The following PSMD1 variants were observed in gnomAD, a reference collection of about 807,000 sequenced individuals.
The protein encoded by PSMD1 is 26S proteasome non-ATPase regulatory subunit 1.
PSMD1 carries 18 observed loss-of-function variants against 119.0 expected under a neutral mutation model. That is an observed-to-expected ratio of 0.15 (90% CI 0.10 to 0.22). The LOEUF is 0.22. Ranked by LOEUF, PSMD1 falls within the 10% of genes least tolerant of loss-of-function variation. The probability of loss-of-function intolerance (pLI) is 1.00; values close to 1 mark genes in which losing one functional copy is unlikely to be tolerated. For synonymous variants in PSMD1, 374 were observed against 396.6 expected, an observed-to-expected ratio of 0.94 and a Z score of 0.68; for missense variants, 702 against 1,158.5, an observed-to-expected ratio of 0.61 and a Z score of 5.72.
At chr2:231,116,271 T>C (rs1695328231) in intron 16 of PSMD1, among the ~76,000 whole-genome samples, 1 of 152,102 alleles carries the variant, frequency 6.6e-6, no homozygotes, top group African/African-American at 2.4e-5. Context: ...AGGGTACATC[T>C]TGAGCTGAAG....
In PSMD1 at chr2:231,170,546, G is replaced by T. The variant is rs1482362667; in HGVS notation, c.2716-20G>T. On this transcript the variant is annotated intron_variant, in intron 23 of 24. Coordinates refer to ENST00000308696, the MANE Select transcript of PSMD1 (RefSeq NM_002807.4). The surrounding 1 kb of genome is among the most constrained non-coding windows in gnomAD (Gnocchi z 4.1). ...GCTTGAAATATGAGTGTACGCTTCT[G>T]CACGCCCCTGTGTTTCCAGCTCTCT... The T allele has an allele frequency of 6.2e-7, 1 of 1,600,306 alleles. No homozygotes were observed. Among genetic ancestry groups the T allele is most frequent in the Non-Finnish European group, 8.5e-7 (1 of 1,174,450 alleles).
chr2:231,104,633 A>G (rs1224369782), intron 16 of PSMD1, among the ~76,000 whole-genome samples: 3 of 152,132 alleles, frequency 2.0e-5, no homozygotes, highest in Non-Finnish European at 4.4e-5. Flanking sequence ...TTTTTTAAAG[A>G]TAAGGAAATT....
intron 17 of PSMD1, among the ~76,000 whole-genome samples, chr2:231,141,877 T>A (rs1025935625): frequency 6.6e-6 from 1 of 151,830 alleles, no homozygotes; most frequent in Admixed American, 6.6e-5. Flanking sequence ...TATTTATTTG[T>A]TTGTTTATTT....
intron 17 of PSMD1, among the ~76,000 whole-genome samples, chr2:231,142,484 T>C (rs1020716886): frequency 2.0e-5 from 3 of 152,228 alleles, no homozygotes; most frequent in Non-Finnish European, 4.4e-5. Context: ...CTTAATATGA[T>C]ATCTAGGAGC....
intron 19 of PSMD1, 82 bp from the exon 20 acceptor site, chr2:231,161,258 A>T: frequency 7.6e-7 from 1 of 1,309,046 alleles, no homozygotes; most frequent in Non-Finnish European, 1.0e-6. Context: ...AAAAAGAAAG[A>T]AAGAAAGATA....
chr2:231,089,261 T>G (rs565692868), intron 16 of PSMD1, among the ~76,000 whole-genome samples: 5 of 152,316 alleles, frequency 3.3e-5, no homozygotes, highest in African/African-American at 1.2e-4. Flanking sequence ...AAGATCTAGC[T>G]AAGATCATTG....
At chr2:231,156,394 T>C (rs901181885) in intron 19 of PSMD1, among the ~76,000 whole-genome samples, 1 of 152,124 alleles carries the variant, frequency 6.6e-6, no homozygotes, top group Non-Finnish European at 1.5e-5. Context: ...CTCTTTATGT[T>C]GTACATTTTA....
Position 231,139,040 on chromosome 2 carries a change from C to T in PSMD1, c.1998+190C>T, listed in dbSNP as rs941455929. The T allele has an allele frequency of 4.4e-5, 30 of 674,644 alleles. 1 individual carries two copies. Among genetic ancestry groups the T allele is most frequent in the African/African-American group, 2.3e-4 (13 of 56,364 alleles). The allele number at this position is 674,644 out of a possible 1,614,324, so 41.8% of individuals were successfully genotyped here. The stretch of plus-strand genomic sequence containing the variant: ...TGCCCAAAGCTGCTTAAGAATAAAT[C>T]GTCACATTACATGGATAGCTGTAAC... On this transcript the variant is annotated intron_variant, in intron 17 of 24. Coordinates refer to ENST00000308696, the MANE Select transcript of PSMD1 (RefSeq NM_002807.4).
At chr2:231,134,910 A>G (rs1255891221) in intron 16 of PSMD1, among the ~76,000 whole-genome samples, 1 of 152,208 alleles carries the variant, frequency 6.6e-6, no homozygotes, top group African/African-American at 2.4e-5. Context: ...AGTAGAAAAT[A>G]CTTGCTGTCT....
intron 16 of PSMD1, chr2:231,124,048 A>G (rs778807981): frequency 1.5e-5 from 5 of 344,538 alleles, no homozygotes; most frequent in Non-Finnish European, 2.2e-5. Context: ...AATAGGATAT[A>G]TATATATTTT....
chr2:231,096,580 A>G (rs1316850130), intron 16 of PSMD1, among the ~76,000 whole-genome samples: 1 of 152,252 alleles, frequency 6.6e-6, no homozygotes, highest in African/African-American at 2.4e-5. Context: ...CAACTGTTAC[A>G]TATAAAGTTT....
At chr2:231,100,085 G>C (rs1201439734) in intron 16 of PSMD1, among the ~76,000 whole-genome samples, 1 of 152,162 alleles carries the variant, frequency 6.6e-6, no homozygotes, top group East Asian at 1.9e-4. Context: ...CACCACAAGG[G>C]GGCAGGGCAA....
Position 231,080,237 on chromosome 2 carries a change from C to T in PSMD1, c.1336C>T (p.Leu446=). ...AYQEGGGLYA[L]GLIHANHGGD... is the part of the protein sequence containing the mutation. The stretch of plus-strand genomic sequence containing the variant: ...TCAGGAAGGTGGAGGTCTCTATGCA[C>T]TAGGTCTTATTCATGCCAATCATGG... The change falls in exon 12 of 25, where the codon CTA becomes TTA. Residue 446 remains leucine (L), a synonymous_variant. Coordinates refer to ENST00000308696, the MANE Select transcript of PSMD1 (RefSeq NM_002807.4). The T allele has an allele frequency of 6.2e-7, 1 of 1,613,166 alleles. No individual in the cohort carries two copies. The highest frequency in any genetic ancestry group is 8.5e-7 in the Non-Finnish European group (1 of 1,179,146).
chr2:231,129,940 G>C (rs907731356), intron 16 of PSMD1, among the ~76,000 whole-genome samples: 5 of 152,008 alleles, frequency 3.3e-5, no homozygotes, highest in African/African-American at 9.7e-5. Flanking sequence ...TGCAACCTCT[G>C]TCTCCCGGGT....
intron 16 of PSMD1, among the ~76,000 whole-genome samples, chr2:231,089,431 G>T (rs573087814): frequency 1.3e-3 from 192 of 152,314 alleles, no homozygotes; most frequent in Non-Finnish European, 2.1e-3. Flanking sequence ...AGCTAATGCA[G>T]TGGGTGACTT....
At chr2:231,107,549 G>T (rs998665520) in intron 16 of PSMD1, among the ~76,000 whole-genome samples, 5 of 152,208 alleles carry the variant, frequency 3.3e-5, no homozygotes, top group African/African-American at 1.2e-4. Context: ...AAATGCAGAT[G>T]AGAATACTGG....
intron 16 of PSMD1, among the ~76,000 whole-genome samples, chr2:231,135,536 T>TG (rs1695947160): frequency 6.6e-6 from 1 of 152,140 alleles, no homozygotes; most frequent in Non-Finnish European, 1.5e-5. Context: ...TTATATAACT[T>TG]ACTGTTATTT....
At chr2:231,108,827 A>G in intron 16 of PSMD1, 1 of 1,614,170 alleles carries the variant, frequency 6.2e-7, no homozygotes, top group Non-Finnish European at 8.5e-7. Context: ...GAGGGTGTAG[A>G]CCAAAGGATT....
chr2:231,153,360 C>T, intron 18 of PSMD1: 1 of 528,502 alleles, frequency 1.9e-6, no homozygotes, highest in Non-Finnish European at 3.3e-6. Flanking sequence ...CAAGACAGAG[C>T]TGGTGCTCCC....
Sources: gnomAD v4.1 joint callset for allele counts (sites outside exome capture counted in the v4.1 genomes callset) on GRCh38, gnomAD v4.1.1 for gene constraint, Gnocchi (gnomAD v3.1) non-coding constraint, MANE v1.5 for transcripts, NCBI Gene and HGNC (gene_info 2026-07-23, HGNC 2026-07-21) for gene names.